The following FAM149B1 variants were observed in gnomAD, a reference collection of about 807,000 sequenced individuals.
The protein encoded by FAM149B1 is family with sequence similarity 149 member B1, also known as primary cilium assembly protein FAM149B1.
Under a neutral mutation model 75.3 loss-of-function variants are expected in FAM149B1, and 56 were observed. That is an observed-to-expected ratio of 0.74 (90% CI 0.60 to 0.93). FAM149B1 has a LOEUF of 0.93. Ranked by LOEUF, FAM149B1 falls within the 40% of genes least tolerant of loss-of-function variation. FAM149B1 has a pLI of 0.00. For synonymous variants in FAM149B1, 259 were observed against 256.1 expected (o/e 1.01, Z -0.11); for missense variants, 639 against 708.4 (o/e 0.90, Z 1.11).
At chr10:73,213,652 C>A (rs2043238465) in intron 7 of FAM149B1, among the ~76,000 whole-genome samples, 1 of 152,046 alleles carries the variant, frequency 6.6e-6, no homozygotes, top group African/African-American at 2.4e-5. Flanking sequence ...GGCTTTATTT[C>A]TTGGTTTTCT....
intron 5 of FAM149B1, among the ~76,000 whole-genome samples, chr10:73,199,236 G>GT (rs2042878606): frequency 6.6e-6 from 1 of 151,668 alleles, no homozygotes; most frequent in Admixed American, 6.6e-5. Flanking sequence ...TGTTGTTGTT[G>GT]AGATGGAGTC....
intron 1 of FAM149B1, among the ~76,000 whole-genome samples, chr10:73,174,138 T>G (rs1170150362): frequency 6.6e-6 from 1 of 152,236 alleles, no homozygotes; most frequent in African/African-American, 2.4e-5. Context: ...TATACAGATT[T>G]TTGTATGAAT....
At chr10:73,193,430 A>G (rs974295606) in intron 4 of FAM149B1, 47 bp from the exon 5 acceptor site, 3 of 1,526,592 alleles carry the variant, frequency 2.0e-6, no homozygotes, top group African/African-American at 1.4e-5. Flanking sequence ...TTTTGTATGT[A>G]TGCCAGTGAA....
intron 7 of FAM149B1, among the ~76,000 whole-genome samples, chr10:73,215,397 T>A (rs1210859372): frequency 2.0e-5 from 3 of 151,898 alleles, no homozygotes; most frequent in African/African-American, 7.3e-5. Context: ...TTAAAAAAAT[T>A]TTTTTTTAGA....
chr10:73,209,576 A>G (rs540006192), intron 6 of FAM149B1, among the ~76,000 whole-genome samples: 19 of 152,356 alleles, frequency 1.2e-4, no homozygotes, highest in East Asian at 5.8e-4. Context: ...CTAACAGTAG[A>G]CCTATCACAT....
chr10:73,180,784 T>A (rs188810948), intron 3 of FAM149B1, among the ~76,000 whole-genome samples: 1 of 152,270 alleles, frequency 6.6e-6, no homozygotes, highest in Admixed American at 6.5e-5. Flanking sequence ...TTAGTTATTT[T>A]AAAATGTACA....
intron 5 of FAM149B1, among the ~76,000 whole-genome samples, chr10:73,196,166 CCTTT>C (rs1299844963): frequency 1.3e-5 from 2 of 152,080 alleles, no homozygotes; most frequent in Non-Finnish European, 2.9e-5. Flanking sequence ...ACTTTTTCTT[CCTTT>C]AACATATGGA....
At chr10:73,197,320 A>G (rs2042827729) in intron 5 of FAM149B1, among the ~76,000 whole-genome samples, 1 of 152,188 alleles carries the variant, frequency 6.6e-6, no homozygotes, top group African/African-American at 2.4e-5. Flanking sequence ...TTTCTTAACT[A>G]AATAAAAGCA....
chr10:73,183,117 G>A (rs182429135), intron 3 of FAM149B1, among the ~76,000 whole-genome samples: 4 of 152,328 alleles, frequency 2.6e-5, no homozygotes, highest in South Asian at 2.1e-4. Flanking sequence ...GAGCAGAGAC[G>A]AGAGTTCAGG....
At chr10:73,230,252 G>C in intron 8 of FAM149B1, 170 bp from the exon 9 acceptor site, 1 of 542,224 alleles carries the variant, frequency 1.8e-6, no homozygotes, top group African/African-American at 1.9e-5. Flanking sequence ...CCTATCACAT[G>C]GACAGTTGAC....
At chr10:73,175,848 G>A (rs1252590240) in intron 2 of FAM149B1, among the ~76,000 whole-genome samples, 2 of 151,918 alleles carry the variant, frequency 1.3e-5, no homozygotes, top group African/African-American at 2.4e-5. Flanking sequence ...AGTAACATTG[G>A]GAAAATTACT....
intron 7 of FAM149B1, among the ~76,000 whole-genome samples, chr10:73,221,568 T>C (rs570165617): frequency 6.6e-6 from 1 of 152,272 alleles, no homozygotes; most frequent in African/African-American, 2.4e-5. Context: ...CTGCTAAGAT[T>C]TTCTCTTTAT....
intron 7 of FAM149B1, among the ~76,000 whole-genome samples, chr10:73,222,216 T>C (rs1284580331): frequency 6.6e-6 from 1 of 152,234 alleles, no homozygotes; most frequent in Non-Finnish European, 1.5e-5. Context: ...ATTAAGTTAC[T>C]TGCAAACAGT....
At chr10:73,198,965 A>C (rs1193893146) in intron 5 of FAM149B1, among the ~76,000 whole-genome samples, 1 of 152,186 alleles carries the variant, frequency 6.6e-6, no homozygotes, top group Non-Finnish European at 1.5e-5. Context: ...AGGGCCTTGC[A>C]GTAATCACTT....
intron 1 of FAM149B1, 133 bp downstream of exon 1, chr10:73,168,519 C>A: frequency 1.0e-6 from 1 of 1,001,284 alleles, no homozygotes; most frequent in South Asian, 1.7e-5. Flanking sequence ...CTCCTCTCAG[C>A]CCTGCTGGAC....
chr10:73,173,120 AAAAAT>A (rs767768569), intron 1 of FAM149B1, among the ~76,000 whole-genome samples: 36 of 152,222 alleles, frequency 2.4e-4, no homozygotes, highest in Non-Finnish European at 4.3e-4. Flanking sequence ...CCCCATCTCA[AAAAAT>A]AAAATAAAAG....
At chr10:73,210,133 A>G (rs1027113699) in intron 6 of FAM149B1, 118 bp from the exon 7 acceptor site, 7 of 675,216 alleles carry the variant, frequency 1.0e-5, no homozygotes, top group African/African-American at 5.5e-5. Flanking sequence ...TGTCAAATTA[A>G]TTCTATTTTC....
chr10:73,200,281 G>A (rs565968578), intron 5 of FAM149B1: 5 of 298,654 alleles, frequency 1.7e-5, no homozygotes, highest in East Asian at 1.5e-4. Flanking sequence ...GCAGTGAGCC[G>A]AGATTGCACC....
Position 73,193,500 on chromosome 10 carries a change from C to T in FAM149B1, c.449C>T (p.Thr150Ile). 6.5e-7 allele frequency: 1 copy of T among 1,549,806 alleles called. No individual in the cohort carries two copies. Among genetic ancestry groups the T allele is most frequent in the African/African-American group, 1.4e-5 (1 of 73,080 alleles). ...HLRILGRQII[T>I]PSEGYRLYPR... ...AGGATTCTAGGTAGGCAGATAATCA[C>T]TCCAAGTGAAGGTTATAGATTGTAT... Residue 150 changes from threonine (T) to isoleucine (I), a missense_variant, in exon 5 of 14, where the codon ACT (threonine) becomes ATT (isoleucine). Transcript: ENST00000242505.
Sources: gnomAD v4.1 joint callset for allele counts (sites outside exome capture counted in the v4.1 genomes callset) on GRCh38, gnomAD v4.1.1 for gene constraint, MANE v1.5 for transcripts, NCBI Gene and HGNC (gene_info 2026-07-23, HGNC 2026-07-21) for gene names.